ERI1: variants seen among roughly 807,000 people sequenced by gnomAD.
The protein encoded by ERI1 is 3'-5' exoribonuclease 1.
In ERI1, 39 loss-of-function variants were observed where a neutral mutation model predicts 39.7. That is an observed-to-expected ratio of 0.98 (90% CI 0.76 to 1.28). The LOEUF is 1.28. Among genes scored for constraint, ERI1 ranks in the 50% most tolerant of loss-of-function variants. The pLI, the probability that ERI1 is intolerant of heterozygous loss-of-function variation, is 0.00. For synonymous variants in ERI1, 204 were observed against 149.6 expected (o/e 1.36, Z -2.65); for missense variants, 581 against 416.9 (o/e 1.39, Z -3.43).
intron 3 of ERI1, among the ~76,000 whole-genome samples, chr8:9,049,284 C>T (rs1253235537): frequency 1.3e-4 from 18 of 133,744 alleles, no homozygotes; most frequent in Non-Finnish European, 2.0e-4. Flanking sequence ...TGCAGTGAGC[C>T]GAGAGCACGC....
At chr8:9,004,931 G>A (rs907572470) in intron 1 of ERI1, among the ~76,000 whole-genome samples, 4 of 151,866 alleles carry the variant, frequency 2.6e-5, no homozygotes, top group Non-Finnish European at 4.4e-5. Context: ...CAGGTGATCC[G>A]CCCACCTCGG....
intron 3 of ERI1, among the ~76,000 whole-genome samples, chr8:9,013,921 C>G (rs1259368784): frequency 2.0e-5 from 3 of 152,202 alleles, no homozygotes; most frequent in Admixed American, 6.5e-5. Context: ...TTCTGATCCT[C>G]TATCATTTAT....
chr8:9,024,281 A>C (rs2117270126), intron 6 of ERI1, among the ~76,000 whole-genome samples: 1 of 152,376 alleles, frequency 6.6e-6, no homozygotes, highest in East Asian at 1.9e-4. Flanking sequence ...AGTTTAAGAC[A>C]GATTTTTGTA....
chr8:9,083,348 TAAAG>T (rs1799426054), intron 3 of ERI1, among the ~76,000 whole-genome samples: 1 of 152,202 alleles, frequency 6.6e-6, no homozygotes, highest in African/African-American at 2.4e-5. Context: ...ATCTGCCCCC[TAAAG>T]AAAGCATACC....
intron 3 of ERI1, among the ~76,000 whole-genome samples, chr8:9,099,176 C>T (rs1308439902): frequency 1.3e-5 from 2 of 152,094 alleles, no homozygotes; most frequent in African/African-American, 4.8e-5. Context: ...CCCATAAAAC[C>T]ATCACCAGGA....
At position 9,007,394 on chromosome 8, in the gene ERI1, G is replaced by T. The variant is rs994338552; in HGVS notation, c.109-576G>T. ...AAAATTATCAGAAGTTATTACACAT[G>T]TATAATGTAAAAGTTCATTTAAAAA... On this transcript the variant is annotated intron_variant, in intron 1 of 6. Transcript: ENST00000250263. Among the ~76,000 whole-genome samples the T allele has an allele frequency of 3.9e-5, 6 of 152,268 alleles. No individual in the cohort carries two copies. In the South Asian group the frequency reaches 1.0e-3, roughly 26 times the overall value.
chr8:9,056,489 C>G (rs555762361), intron 3 of ERI1, among the ~76,000 whole-genome samples: 20 of 151,998 alleles, frequency 1.3e-4, no homozygotes, highest in African/African-American at 4.3e-4. Context: ...TCAAGTTTGG[C>G]TTTTATAAAT....
intron 3 of ERI1, among the ~76,000 whole-genome samples, chr8:9,090,527 T>A (rs559721918): frequency 1.3e-5 from 2 of 152,216 alleles, no homozygotes; most frequent in East Asian, 1.9e-4. Flanking sequence ...TAGAATACGT[T>A]GGAATTACAC....
At chr8:9,035,548 CTT>C (rs1797816890), downstream of ERI1, among the ~76,000 whole-genome samples, 1 of 151,930 alleles carries the variant, frequency 6.6e-6, no homozygotes, top group Non-Finnish European at 1.5e-5. Context: ...GCTGTTGAGA[CTT>C]AGTGCTCAGG....
chr8:9,010,601 A>G (rs943383872), intron 2 of ERI1, among the ~76,000 whole-genome samples: 1 of 151,836 alleles, frequency 6.6e-6, no homozygotes, highest in African/African-American at 2.4e-5. Flanking sequence ...ATCAGTTAAC[A>G]TGATACTTTA....
intron 1 of ERI1, among the ~76,000 whole-genome samples, chr8:9,005,832 AACCTCTG>A (rs1453613294): frequency 6.6e-6 from 1 of 152,208 alleles, no homozygotes; most frequent in African/African-American, 2.4e-5. Context: ...CAAGATAGTA[AACCTCTG>A]TTTGGTATAG....
chr8:9,049,090 G>C (rs1013481623), intron 3 of ERI1, among the ~76,000 whole-genome samples: 1 of 151,962 alleles, frequency 6.6e-6, no homozygotes, highest in African/African-American at 2.4e-5. Context: ...TGTAATTCCA[G>C]CACTTTGGGA....
At chr8:9,051,678 G>A (rs1272945637) in intron 3 of ERI1, among the ~76,000 whole-genome samples, 2 of 151,326 alleles carry the variant, frequency 1.3e-5, no homozygotes, top group African/African-American at 2.4e-5. Context: ...AAAGAAGCAC[G>A]ACTAAGGGAA....
At chr8:9,056,459 GC>G (rs1292583235) in intron 3 of ERI1, among the ~76,000 whole-genome samples, 1 of 152,184 alleles carries the variant, frequency 6.6e-6, no homozygotes, top group Non-Finnish European at 1.5e-5. Context: ...TGTTCTTATG[GC>G]CAGTCATGCA....
At chr8:9,079,762 C>G (rs1449331297) in intron 3 of ERI1, among the ~76,000 whole-genome samples, 1 of 152,082 alleles carries the variant, frequency 6.6e-6, no homozygotes. Context: ...CTTGACCTCC[C>G]CAGGCTCAGA....
intron 1 of ERI1, among the ~76,000 whole-genome samples, chr8:9,005,356 T>G (rs890263914): frequency 6.6e-6 from 1 of 152,110 alleles, no homozygotes; most frequent in African/African-American, 2.4e-5. Context: ...TGTGTTTTCT[T>G]TTTTCTTGCA....
chr8:9,029,708 A>G, intron 6 of ERI1, 84 bp from the exon 7 acceptor site: 1 of 1,506,512 alleles, frequency 6.6e-7, no homozygotes, highest in South Asian at 1.2e-5. Flanking sequence ...GCTAATTTTC[A>G]GTTTCTTATT....
chr8:9,020,431 C>T lies in ERI1; in HGVS notation c.774C>T (p.Ile258=), dbSNP rs1358434177. The T allele has an allele frequency of 5.6e-6, 9 of 1,606,604 alleles. No homozygotes were observed. The highest frequency in any genetic ancestry group is 7.6e-6 in the Non-Finnish European group (9 of 1,176,822). ...ACCCTCCTTTTGCGAAAAAGTGGAT[C>T]AATATTCGGAAGTCATATGGAAATT... ...LKYPPFAKKW[I]NIRKSYGNFY... is the part of the protein sequence containing the mutation. The change falls in exon 6 of 7, where the codon ATC becomes ATT. Residue 258 remains isoleucine, a synonymous_variant. Coordinates refer to ENST00000250263, the MANE Select transcript of ERI1 (RefSeq NM_153332.4).
In ERI1 at chr8:9,030,267, C is replaced by T. The variant is rs1418572216; in HGVS notation, c.*233C>T. 5.8e-6 allele frequency: 3 copies of T among 521,284 alleles called. No homozygotes were observed. The highest frequency in any genetic ancestry group is 1.0e-5 in the Non-Finnish European group (3 of 296,978). The allele number at this position is 521,284 out of a possible 1,614,324, so 32.3% of individuals were successfully genotyped here. On this transcript the variant is annotated 3_prime_UTR_variant, in exon 7 of 7. Transcript: ENST00000250263. Reference sequence around the variant, plus strand: ...CAGTATTCGTTACATAGTAACAGTTCCTGCTTACAACTGAATTTTATAATT... The same window carrying T: ...CAGTATTCGTTACATAGTAACAGTTTCTGCTTACAACTGAATTTTATAATT...
Sources: allele counts gnomAD v4.1 joint callset (sites outside exome capture counted in the v4.1 genomes callset), GRCh38; gene constraint gnomAD v4.1.1; transcripts MANE v1.5; gene names NCBI Gene and HGNC (gene_info 2026-07-23, HGNC 2026-07-21).